SYNE2: variants seen among roughly 807,000 people sequenced by gnomAD.
SYNE2 encodes spectrin repeat containing nuclear envelope protein 2, also known as nesprin-2.
A neutral mutation model predicts 856.3 loss-of-function variants in SYNE2; 431 were observed. The ratio of observed to expected loss-of-function variants is 0.50; its 90% CI spans 0.47 to 0.55. The LOEUF is 0.55. SYNE2 is among the 20% of genes least tolerant of loss of function. SYNE2 has a pLI of 0.00. For missense variants in SYNE2, 8,129 were observed against 8,023.2 expected (o/e 1.01, Z -0.50); for synonymous variants, 2,923 against 2,872.3 (o/e 1.02, Z -0.56).
Position 64,225,851 on chromosome 14 carries a change from A to G in SYNE2, c.*325A>G. The G allele has an allele frequency of 1.7e-6, 1 of 579,038 alleles. No homozygotes were observed. Among genetic ancestry groups the G allele is most frequent in the Admixed American group, 3.0e-5 (1 of 33,336 alleles). 35.9% of individuals were successfully genotyped at this position (579,038 alleles called of 1,614,324 possible). ...GGTTTGTTTGTAAAACAGCATTATT[A>G]TAATGTAGGTATGGTCAATGAGCAG... On this transcript the variant is annotated 3_prime_UTR_variant, in exon 116 of 116. Transcript: ENST00000555002.
chr14:64,113,530 G>A lies in SYNE2; in HGVS notation c.12799G>A (p.Asp4267Asn), dbSNP rs1274566063. Residue 4267 changes from aspartate to asparagine, a missense_variant, in exon 66 of 116, where the codon GAC becomes AAC. Around this residue, in one of 3 missense-constraint regions of SYNE2, gnomAD observed 5,410 missense variants for 5,284.8 expected, o/e 1.02. Transcript: ENST00000555002. ...VAVEPETLNADMQQVLEQQLV... is the reference protein window; with the variant it reads ...VAVEPETLNANMQQVLEQQLV... ...AGTTGAGCCGGAAACATTAAACGCA[G>A]ACATGCAGCAGGTGCTGGAACAGCA... 6.2e-7 allele frequency: 1 copy of A among 1,613,408 alleles called. No homozygotes were observed. Among genetic ancestry groups the A allele is most frequent in the Admixed American group, 1.7e-5 (1 of 59,944 alleles).
intron 46 of SYNE2, chr14:64,048,419 T>A (rs2097201057): frequency 3.3e-6 from 1 of 303,694 alleles, no homozygotes; most frequent in African/African-American, 2.1e-5. Flanking sequence ...TTTGGAGATT[T>A]TGACTTGCCA....
intron 32 of SYNE2, among the ~76,000 whole-genome samples, chr14:64,012,931 C>G (rs571290724): frequency 4.3e-4 from 66 of 152,192 alleles, no homozygotes; most frequent in Non-Finnish European, 9.6e-4. Context: ...CCACTGAGAA[C>G]TTTTGTCCTT....
chr14:64,003,140 C>A lies in SYNE2; in HGVS notation c.4207C>A (p.Leu1403Ile). ...RGDDTSCENL[L>I]DAFSIKLSET... ...TGATGACACCTCCTGTGAAAACCTG[C>A]TTGATGCTTTTTCAATAAAGTTATC... is the stretch of plus-strand genomic sequence containing the variant. Residue 1403 changes from leucine to isoleucine, a missense_variant, in exon 30 of 116, where the codon CTT becomes ATT. Physicochemically the swap from Leu to Ile is conservative, Grantham distance 5 (BLOSUM62 2). This residue lies in a region of SYNE2 where 2,422 missense variants were observed against 2,357.4 expected (regional missense o/e 1.03). Transcript: ENST00000555002. 1.2e-6 allele frequency: 2 copies of A among 1,614,082 alleles called. No homozygotes were observed. The highest frequency in any genetic ancestry group is 2.2e-5 in the South Asian group (2 of 91,078).
In SYNE2 at chr14:64,137,915, G is replaced by A. The variant is rs1395920094; in HGVS notation, c.14775G>A (p.Trp4925Ter). The change falls in exon 79 of 116, where the codon TGG becomes TGA. Residue 4925 changes from tryptophan to a stop codon, truncating the protein, a stop_gained. Transcript: ENST00000555002. LOFTEE classifies it high-confidence loss of function. ...EGQIAKLEEQ[W>*]LSLNKKIDHE... ...AGATCGCAAAACTGGAAGAGCAGTG[G>A]TTGTCCCTGAACAAGAAAATTGACC... is the stretch of plus-strand genomic sequence containing the variant. The A allele has an allele frequency of 6.2e-7, 1 of 1,614,202 alleles. No individual in the cohort carries two copies. Among genetic ancestry groups the A allele is most frequent in the East Asian group, 2.2e-5 (1 of 44,884 alleles).
At chr14:63,918,382 A>C (rs1361357412) in intron 2 of SYNE2, among the ~76,000 whole-genome samples, 3 of 152,134 alleles carry the variant, frequency 2.0e-5, no homozygotes, top group Admixed American at 2.0e-4. Flanking sequence ...TAAATAATTC[A>C]GGGAATTTTG....
Position 63,995,132 on chromosome 14 carries a change from A to G in SYNE2, c.2870A>G (p.Glu957Gly). Reference protein sequence around the residue: ...GKLSDNILKLEKQINKEKKLI... With the variant: ...GKLSDNILKLGKQINKEKKLI... ...CTTAGTGACAATATTTTAAAACTTG[A>G]AAAGCAAATAAATAAAGAAAAGAAA... is the stretch of plus-strand genomic sequence containing the variant. The change falls in exon 23 of 116, where the codon GAA (glutamate) becomes GGA (glycine). Residue 957 changes from glutamate to glycine, a missense_variant. Transcript: ENST00000555002. 1 of 1,604,104 alleles carries G rather than the reference A, an allele frequency of 6.2e-7. No homozygotes were observed. Among genetic ancestry groups the G allele is most frequent in the Non-Finnish European group, 8.5e-7 (1 of 1,175,034 alleles).
chr14:64,196,026 G>A (rs961713061), intron 99 of SYNE2, among the ~76,000 whole-genome samples: 1 of 152,116 alleles, frequency 6.6e-6, no homozygotes, highest in African/African-American at 2.4e-5. Flanking sequence ...ATGAGCAAGC[G>A]GCCTGATGGC....
chr14:64,210,263 C>T, intron 103 of SYNE2, 139 bp downstream of exon 103: 1 of 1,109,902 alleles, frequency 9.0e-7, no homozygotes, highest in Non-Finnish European at 1.3e-6. Flanking sequence ...TCCTCCAACA[C>T]AAAGAAGCCC....
chr14:64,018,545 A>C (rs1459999324), intron 34 of SYNE2, among the ~76,000 whole-genome samples: 1 of 152,318 alleles, frequency 6.6e-6, no homozygotes, highest in South Asian at 2.1e-4. Flanking sequence ...CCCAGCCAGC[A>C]GACTTTTTCT....
At chr14:64,183,040 G>C (rs576874807) in intron 96 of SYNE2, among the ~76,000 whole-genome samples, 1 of 149,604 alleles carries the variant, frequency 6.7e-6, no homozygotes, top group Admixed American at 6.6e-5. Context: ...CCTCCCGGAC[G>C]GGGCGGCTGC....
chr14:64,139,524 G>A (rs2098124088), intron 79 of SYNE2, among the ~76,000 whole-genome samples: 1 of 151,936 alleles, frequency 6.6e-6, no homozygotes, highest in South Asian at 2.1e-4. Flanking sequence ...CGATTCTCCT[G>A]CCTCAGCCTC....
At chr14:63,955,270 G>A (rs1209384436) in intron 8 of SYNE2, among the ~76,000 whole-genome samples, 1 of 151,898 alleles carries the variant, frequency 6.6e-6, no homozygotes, top group Non-Finnish European at 1.5e-5. Context: ...TTGTTTATAT[G>A]TCTCTCCTTC....
At chr14:63,762,054 T>C in intron 1 of SYNE2, 1 of 503,420 alleles carries the variant, frequency 2.0e-6, no homozygotes, top group Non-Finnish European at 4.1e-6. Flanking sequence ...CAGGAGGCGT[T>C]GGAAAGTCTG....
At chr14:63,828,257 T>C (rs1407647523) in intron 1 of SYNE2, among the ~76,000 whole-genome samples, 2 of 151,882 alleles carry the variant, frequency 1.3e-5, no homozygotes, top group African/African-American at 4.8e-5. Flanking sequence ...CAATAAAAAA[T>C]AATACAAATT....
intron 28 of SYNE2, among the ~76,000 whole-genome samples, chr14:64,001,148 G>T (rs2096751621): frequency 6.6e-6 from 1 of 152,140 alleles, no homozygotes; most frequent in Non-Finnish European, 1.5e-5. Flanking sequence ...CTGAGGCTCA[G>T]AGTCTATATA....
At chr14:64,157,778 G>A (rs1276537808) in intron 85 of SYNE2, among the ~76,000 whole-genome samples, 1 of 152,140 alleles carries the variant, frequency 6.6e-6, no homozygotes, top group Non-Finnish European at 1.5e-5. Context: ...CATCAAAGTG[G>A]ATGTGAAATA....
At chr14:63,971,402 C>T (rs1228893158) in intron 11 of SYNE2, among the ~76,000 whole-genome samples, 2 of 152,056 alleles carry the variant, frequency 1.3e-5, no homozygotes, top group Admixed American at 6.6e-5. Flanking sequence ...AGATGTGAGC[C>T]ACCACACCCA....
intron 100 of SYNE2, 79 bp downstream of exon 100, chr14:64,203,042 A>T: frequency 2.6e-6 from 4 of 1,553,450 alleles, no homozygotes; most frequent in Non-Finnish European, 3.5e-6. Flanking sequence ...CCGTATATCT[A>T]TGTGTTTTCA....
Sources: allele counts gnomAD v4.1 joint callset (sites outside exome capture counted in the v4.1 genomes callset), GRCh38; gene constraint gnomAD v4.1.1; regional missense constraint gnomAD v4.1.1; transcripts MANE v1.5; gene names NCBI Gene and HGNC (gene_info 2026-07-23, HGNC 2026-07-21).